PDE1C: variants seen among roughly 807,000 people sequenced by gnomAD.
PDE1C encodes the protein phosphodiesterase 1C, also known as dual specificity calcium/calmodulin-dependent 3',5'-cyclic nucleotide phosphodiesterase 1C.
Under a neutral mutation model 93.1 loss-of-function variants are expected in PDE1C, and 62 were observed. The ratio of observed to expected loss-of-function variants is 0.67; its 90% CI spans 0.54 to 0.82. The LOEUF is 0.82. PDE1C is among the 40% of genes least tolerant of loss of function. PDE1C has a pLI of 0.00. For missense variants in PDE1C, 742 were observed against 884.6 expected, an observed-to-expected ratio of 0.84 and a Z score of 2.04; for synonymous variants, 325 against 310.1, an observed-to-expected ratio of 1.05 and a Z score of -0.50.
intron 16 of PDE1C, among the ~76,000 whole-genome samples, chr7:31,805,964 G>T (rs989883235): frequency 1.3e-5 from 2 of 151,870 alleles, no homozygotes; most frequent in African/African-American, 4.8e-5. Context: ...GCTGTCTGGG[G>T]TTTTGGGTTG....
intron 16 of PDE1C, chr7:31,786,461 C>G (rs1783951379): frequency 6.6e-6 from 1 of 152,002 alleles, no homozygotes. Flanking sequence ...AGAAGATAAG[C>G]CTTTAGCAGT....
chr7:32,163,527 T>C (rs1487871098), intron 3 of PDE1C, among the ~76,000 whole-genome samples: 5 of 152,200 alleles, frequency 3.3e-5, no homozygotes, highest in African/African-American at 7.2e-5. Context: ...AAGCTATCTA[T>C]AGAATCTAGA....
chr7:31,937,324 T>C (rs1294737791), intron 2 of PDE1C, among the ~76,000 whole-genome samples: 1 of 152,216 alleles, frequency 6.6e-6, no homozygotes, highest in Non-Finnish European at 1.5e-5. Context: ...AAAATACTTT[T>C]ATTTCTTTCA....
chr7:31,669,299 C>T, the PDE1C span, among the ~76,000 whole-genome samples: 4 of 152,126 alleles, frequency 2.6e-5, no homozygotes, highest in African/African-American at 9.6e-5. Flanking sequence ...TTTAGTAGAA[C>T]AGTTCTCGTG....
Position 32,393,829 on chromosome 7 carries a change from C to G in PDE1C, c.310+33993G>C, listed in dbSNP as rs769632023. Reference sequence around the variant, plus strand: ...GCCAAATATCTCACCTGAATTTTTTCCAACACTAAAGTCACATATTTTGTC... The same window carrying G: ...GCCAAATATCTCACCTGAATTTTTTGCAACACTAAAGTCACATATTTTGTC... On this transcript the variant is annotated intron_variant, in intron 1 of 1. Coordinates refer to the PDE1C transcript ENST00000672256. Among the ~76,000 whole-genome samples, 93 of 152,254 alleles carry G rather than the reference C, an allele frequency of 6.1e-4. 1 individual carries two copies. In the Middle Eastern group the frequency reaches 0.01, roughly 17 times the overall value.
At chr7:31,788,596 G>A (rs1421234797) in intron 16 of PDE1C, 1 of 152,062 alleles carries the variant, frequency 6.6e-6, no homozygotes, top group Non-Finnish European at 1.5e-5. Flanking sequence ...CTGATACAAA[G>A]GCCCACTATG....
chr7:31,756,446 G>T (rs1794473503), intron 17 of PDE1C, among the ~76,000 whole-genome samples: 1 of 152,286 alleles, frequency 6.6e-6, no homozygotes, highest in South Asian at 2.1e-4. Context: ...AATTAGGGAA[G>T]TCTGAGGAAC....
chr7:32,391,673 A>G (rs993189893), intron 1 of PDE1C, among the ~76,000 whole-genome samples: 1 of 152,218 alleles, frequency 6.6e-6, no homozygotes, highest in Non-Finnish European at 1.5e-5. Flanking sequence ...TTCTATAAGA[A>G]ATCAATAATA....
exon 1 of PDE1C, chr7:32,299,124 G>C (rs1385463858): frequency 1.1e-5 from 11 of 1,022,232 alleles, no homozygotes; most frequent in African/African-American, 1.7e-5. Flanking sequence ...CCACAGGAAA[G>C]TCTGTTTTCT....
intron 2 of PDE1C, among the ~76,000 whole-genome samples, chr7:32,196,952 C>G (rs1227970455): frequency 1.3e-5 from 2 of 152,140 alleles, no homozygotes; most frequent in Non-Finnish European, 2.9e-5. Context: ...TTAGAAAACA[C>G]AGGAGTAGGA....
At chr7:31,718,169 CATG>C in the PDE1C span, among the ~76,000 whole-genome samples, 4 of 152,112 alleles carry the variant, frequency 2.6e-5, no homozygotes, top group African/African-American at 9.7e-5. Flanking sequence ...CGGTCATGGG[CATG>C]GTGGGACCAT....
chr7:31,659,792 T>C, the PDE1C span, among the ~76,000 whole-genome samples: 2,523 of 152,302 alleles, frequency 0.017, 78 homozygotes, highest in African/African-American at 0.057. Context: ...TGTAGAGCTA[T>C]AGCAGAAACT....
chr7:32,208,512 A>AG (rs1416785536), intron 2 of PDE1C, among the ~76,000 whole-genome samples: 1 of 150,832 alleles, frequency 6.6e-6, no homozygotes, highest in Non-Finnish European at 1.5e-5. Context: ...AAAAAAAAAA[A>AG]TTAATGTAAC....
intron 1 of PDE1C, among the ~76,000 whole-genome samples, chr7:32,413,192 A>C (rs1451884941): frequency 6.6e-6 from 1 of 152,180 alleles, no homozygotes; most frequent in African/African-American, 2.4e-5. Context: ...AATGCATGAC[A>C]CCTGCAACTT....
chr7:31,627,873 G>T, the PDE1C span, among the ~76,000 whole-genome samples: 1 of 152,124 alleles, frequency 6.6e-6, no homozygotes, highest in Non-Finnish European at 1.5e-5. Flanking sequence ...ATACTAAGTT[G>T]TCTGGTTATT....
Position 32,131,497 on chromosome 7 carries a change from T to A in PDE1C, c.308+38288A>T, listed in dbSNP as rs190443380. 6.6e-5 allele frequency among the ~76,000 whole-genome samples: 10 copies of A among 152,238 alleles called. No individual in the cohort carries two copies. In the East Asian group the frequency reaches 1.9e-3, roughly 29 times the overall value. The stretch of plus-strand genomic sequence containing the variant: ...TTAGAAGGAAGTATCAGAGCTTCCT[T>A]GAGTCTCCAATAATGAATCAGTGAC... On this transcript the variant is annotated intron_variant, in intron 3 of 18. Coordinates refer to the PDE1C transcript ENST00000396193.
At chr7:31,672,523 AG>A in the PDE1C span, among the ~76,000 whole-genome samples, 107,259 of 151,892 alleles carry the variant, frequency 0.71, 38,239 homozygotes, top group East Asian at 0.82. Flanking sequence ...AATGGTAATG[AG>A]GTTATACATT....
chr7:31,977,238 A>G (rs1811784830), intron 2 of PDE1C, among the ~76,000 whole-genome samples: 3 of 152,140 alleles, frequency 2.0e-5, no homozygotes, highest in African/African-American at 7.2e-5. Context: ...GGGACTAAGA[A>G]GAGGAAGAGA....
At chr7:32,262,405 C>A (rs1174488318) in intron 1 of PDE1C, among the ~76,000 whole-genome samples, 1 of 152,102 alleles carries the variant, frequency 6.6e-6, no homozygotes, top group Non-Finnish European at 1.5e-5. Context: ...GGAGACGTAG[C>A]CCCCAGAGAG....
Sources: allele counts gnomAD v4.1 joint callset (sites outside exome capture counted in the v4.1 genomes callset), GRCh38; gene constraint gnomAD v4.1.1; transcripts MANE v1.5; gene names NCBI Gene and HGNC (gene_info 2026-07-23, HGNC 2026-07-21).